PIF1: variants seen among roughly 807,000 people sequenced by gnomAD.
The protein encoded by PIF1 is PIF1 5'-to-3' DNA helicase, also known as ATP-dependent DNA helicase PIF1.
A neutral mutation model predicts 62.3 loss-of-function variants in PIF1; 67 were observed. That is an observed-to-expected ratio of 1.08 (90% CI 0.88 to 1.32). The LOEUF (loss-of-function observed/expected upper bound fraction) is 1.32, where lower values mean the gene tolerates loss of function less well. Ranked by LOEUF, PIF1 falls within the 40% of genes most tolerant of loss-of-function variation. The pLI, the probability that PIF1 is intolerant of heterozygous loss-of-function variation, is 0.00. For missense variants in PIF1, 886 were observed against 866.1 expected (o/e 1.02, Z -0.29); for synonymous variants, 364 against 379.5 (o/e 0.96, Z 0.47).
chr15:64,826,689 CACACAT>C (rs1567090387), upstream of PIF1, among the ~76,000 whole-genome samples: 247 of 132,420 alleles, frequency 1.9e-3, 1 homozygote, highest in Non-Finnish European at 3.0e-3. Flanking sequence ...CATATATACA[CACACAT>C]ATATATACAC....
chr15:64,824,366 C>G lies in PIF1; in HGVS notation c.-19-12G>C. The G allele has an allele frequency of 8.1e-7, 1 of 1,241,426 alleles. No homozygotes were observed. The highest frequency in any genetic ancestry group is 1.0e-6 in the Non-Finnish European group (1 of 992,414). The allele number at this position is 1,241,426 out of a possible 1,614,324, so 76.9% of individuals were successfully genotyped here. On this transcript the variant is annotated splice_polypyrimidine_tract_variant and intron_variant, in intron 1 of 12. Transcript: ENST00000559239. ...CCGCCTCTGCTGGTCTGCGAAGACA[C>G]CGGAGCACAGGGGTCATGAGGATTC...
chr15:64,819,259 C>T (rs2084246509), intron 8 of PIF1, 36 bp from the exon 9 acceptor site: 1 of 1,415,172 alleles, frequency 7.1e-7, no homozygotes, highest in Admixed American at 2.0e-5. Context: ...GATCACAAAT[C>T]ACTGACTTGT....
At position 64,824,107 on chromosome 15, in the gene PIF1, A is replaced by G; in HGVS notation, c.229T>C (p.Phe77Leu). 2 of 1,269,214 alleles carry G rather than the reference A, an allele frequency of 1.6e-6. No homozygotes were observed. Among genetic ancestry groups the G allele is most frequent in the Non-Finnish European group, 2.0e-6 (2 of 1,008,900 alleles). The allele number at this position is 1,269,214 out of a possible 1,614,324, so 78.6% of individuals were successfully genotyped here. The change falls in exon 2 of 13, where the codon TTC becomes CTC. Residue 77 changes from phenylalanine (F) to leucine (L), a missense_variant. Transcript: ENST00000559239. ...CGCCCGGCCTCGGCGAAACGCGTGA[A>G]GAGGCGCGCGGCGCGCAGAGGAAAG... is the stretch of plus-strand genomic sequence containing the variant. ...RCFPLRAARL[F>L]TRFAEAGRST...
Position 64,819,852 on chromosome 15 carries a change from AGCTCCTGAAG to A in PIF1, c.1318_1327del (p.Leu440CysfsTer33), listed in dbSNP as rs1387063823. Reference sequence around the variant, plus strand: ...AGCCCAGGCTCCCTGCTCACCTGGCAGCTCCTGAAGCCGCCTCTCGTTGGTGAGGGCCACA... The same window carrying A: ...AGCCCAGGCTCCCTGCTCACCTGGCACCGCCTCTCGTTGGTGAGGGCCACA... On this transcript the variant is annotated frameshift_variant, in exon 8 of 13. Transcript: ENST00000559239. LOFTEE classifies it high-confidence loss of function. 1.9e-6 allele frequency: 3 copies of A among 1,613,010 alleles called. No homozygotes were observed. Among genetic ancestry groups the A allele is most frequent in the Non-Finnish European group, 2.5e-6 (3 of 1,180,022 alleles).
intron 1 of PIF1, 98 bp from the exon 2 acceptor site, chr15:64,824,452 C>T: frequency 2.5e-6 from 2 of 801,736 alleles, no homozygotes; most frequent in Non-Finnish European, 3.4e-6. Context: ...TGACAGGGAG[C>T]AGGGTCAAGG....
At chr15:64,822,940 C>T (rs2084311619) in intron 2 of PIF1, among the ~76,000 whole-genome samples, 1 of 152,112 alleles carries the variant, frequency 6.6e-6, no homozygotes, top group Admixed American at 6.6e-5. Flanking sequence ...CTTCCTATCA[C>T]AAACCTGTTT....
In PIF1 at chr15:64,821,531, C is replaced by T; in HGVS notation, c.818-11G>A. 6.4e-7 allele frequency: 1 copy of T among 1,567,698 alleles called. No individual in the cohort carries two copies. Among genetic ancestry groups the T allele is most frequent in the Non-Finnish European group, 8.7e-7 (1 of 1,155,052 alleles). ...GGCCTGAGCCGATGCCTGTGAGTGA[C>T]ACTATTCAGCCTGGGCTAATACCCA... On this transcript the variant is annotated splice_polypyrimidine_tract_variant and intron_variant, in intron 4 of 12. Transcript: ENST00000559239.
rs745897224 is a variant in PIF1 at position 64,822,535 on chromosome 15, C to A, written c.634G>T (p.Ala212Ser). Residue 212 changes from alanine (A) to serine (S), a missense_variant, in exon 3 of 13, where the codon GCT becomes TCT. Physicochemically the swap from Ala to Ser is moderately conservative, Grantham distance 99. Coordinates refer to ENST00000559239, the MANE Select transcript of PIF1 (RefSeq NM_001286496.2). The stretch of plus-strand genomic sequence containing the variant: ...TTCAGGACGGCCCTCAGCACAGCAG[C>A]CTGTTCCTCAGAAAGCTGTGGCTTG... ...STKPQLSEEQ[A>S]AVLRAVLKGQ... is the part of the protein sequence containing the mutation. The A allele has an allele frequency of 9.9e-6, 16 of 1,614,026 alleles. No homozygotes were observed. In the South Asian group the frequency reaches 1.5e-4, roughly 16 times the overall value.
chr15:64,818,189 C>T (rs1270845829), intron 10 of PIF1, 68 bp downstream of exon 10: 2 of 1,610,356 alleles, frequency 1.2e-6, no homozygotes, highest in Non-Finnish European at 1.7e-6. Flanking sequence ...TCTTTTTCTC[C>T]CCCCACCATT....
At chr15:64,822,453 C>T (rs921945209) in intron 3 of PIF1, 25 bp downstream of exon 3, 4 of 1,614,074 alleles carry the variant, frequency 2.5e-6, no homozygotes, top group Admixed American at 3.3e-5. Flanking sequence ...CCACTGTCCC[C>T]CTACCTCCTC....
chr15:64,816,624 G>A lies in PIF1; in HGVS notation c.1816C>T (p.Arg606Cys), dbSNP rs193030177. The change falls in exon 12 of 13, where the codon CGT (arginine) becomes TGT (cysteine). Residue 606 changes from arginine to cysteine, a missense_variant. Arg to Cys is a radical substitution (Grantham distance 180). Coordinates refer to ENST00000559239, the MANE Select transcript of PIF1 (RefSeq NM_001286496.2). ...AGGGTGGCATAGAAGTGCAGCACACGGGGGTCACAGCGAACCGCCATGGGG... is the reference window on the plus strand; with the variant it reads ...AGGGTGGCATAGAAGTGCAGCACACAGGGGTCACAGCGAACCGCCATGGGG... The part of the protein sequence containing the change: ...FDPMAVRCDP[R>C]VLHFYATLRR... The A allele has an allele frequency of 4.5e-5, 73 of 1,614,032 alleles. No homozygotes were observed. Among genetic ancestry groups the A allele is most frequent in the South Asian group, 3.3e-5 (3 of 91,076 alleles).
chr15:64,815,731 T>C lies in PIF1; in HGVS notation c.*567A>G, dbSNP rs2084169645. The C allele has an allele frequency of 1.5e-5, 23 of 1,550,508 alleles. No individual in the cohort carries two copies. The highest frequency in any genetic ancestry group is 2.0e-5 in the Non-Finnish European group (23 of 1,147,020). On this transcript the variant is annotated 3_prime_UTR_variant, in exon 13 of 13. Coordinates refer to ENST00000559239, the MANE Select transcript of PIF1 (RefSeq NM_001286496.2). ...ACTATTTATCCCCTGAAAAAGCAGC[T>C]TAAAATATGGGTGCACATTTTGCAG...
At chr15:64,820,850 C>G in intron 7 of PIF1, 132 bp downstream of exon 7, 1 of 764,238 alleles carries the variant, frequency 1.3e-6, no homozygotes, top group South Asian at 1.7e-5. Context: ...GCCCAAGGCT[C>G]CTCTTCCTGC....
In PIF1 at chr15:64,822,378, T is replaced by C; in HGVS notation, c.705A>G (p.Ser235=). 1 of 1,614,134 alleles carries C rather than the reference T, an allele frequency of 6.2e-7. No individual in the cohort carries two copies. Among genetic ancestry groups the C allele is most frequent in the Non-Finnish European group, 8.5e-7 (1 of 1,180,000 alleles). The change falls in exon 4 of 13, where the codon TCA becomes TCG. Residue 235 remains serine (S), a synonymous_variant. Coordinates refer to ENST00000559239, the MANE Select transcript of PIF1 (RefSeq NM_001286496.2). ...FFTGSAGTGK[S]YLLKRILGSL... The stretch of plus-strand genomic sequence containing the variant: ...AGCCCAGGATTCGCTTTAGCAGATA[T>C]GACTTCCCTGTTCCTGGACAGGGGC...
rs754271420 is a variant in PIF1 at position 64,821,035 on chromosome 15, C to T, written c.1140G>A (p.Trp380Ter). 1.2e-6 allele frequency: 2 copies of T among 1,614,210 alleles called. No individual in the cohort carries two copies. The highest frequency in any genetic ancestry group is 2.2e-5 in the East Asian group (1 of 44,882). The change falls in exon 7 of 13, where the codon TGG becomes TGA. Residue 380 changes from tryptophan to a stop codon, truncating the protein, a stop_gained. Coordinates refer to ENST00000559239, the MANE Select transcript of PIF1 (RefSeq NM_001286496.2). LOFTEE classifies it high-confidence loss of function. ...VPVTLELTKVWRQADQTFISL... is the reference protein window; with the variant it reads ...VPVTLELTKV ...AGATGAAGGTCTGGTCTGCCTGCCT[C>T]CACACCTTGGTCAGCTCCAGGGTCA...
chr15:64,824,002 G>T lies in PIF1; in HGVS notation c.334C>A (p.Arg112Ser), dbSNP rs187718134. Residue 112 changes from arginine (R) to serine (S), a missense_variant, in exon 2 of 13, where the codon CGC becomes AGC. Physicochemically the swap from Arg to Ser is moderately radical, Grantham distance 110. Transcript: ENST00000559239. ...AATGTGCGCAGGAAGCGGCGCAGGC[G>T]GTCTGGGGGGCAGTCCGAGAGCAGC... Reference protein sequence around the residue: ...QLLLSDCPPDRLRRFLRTLRL... With the variant: ...QLLLSDCPPDSLRRFLRTLRL... The T allele has an allele frequency of 1.3e-4, 170 of 1,296,442 alleles. No individual in the cohort carries two copies. The African/African-American group carries it at 2.5e-3, about 19-fold the overall frequency. 80.3% of individuals were successfully genotyped at this position (1,296,442 alleles called of 1,614,324 possible).
At position 64,816,256 on chromosome 15, in the gene PIF1, G is replaced by A. The variant is rs1459119792; in HGVS notation, c.*42C>T. The A allele has an allele frequency of 6.2e-7, 1 of 1,612,540 alleles. No homozygotes were observed. Among genetic ancestry groups the A allele is most frequent in the Non-Finnish European group, 8.5e-7 (1 of 1,179,762 alleles). On this transcript the variant is annotated 3_prime_UTR_variant, in exon 13 of 13. Transcript: ENST00000559239. ...GGCCACTAGGGAGCAGGAGGACGGG[G>A]AGGCCACAGGCCACCCTTTGTCTTC... is the stretch of plus-strand genomic sequence containing the variant.
At chr15:64,826,911 G>C (rs1223675275), upstream of PIF1, among the ~76,000 whole-genome samples, 1 of 151,492 alleles carries the variant, frequency 6.6e-6, no homozygotes, top group Non-Finnish European at 1.5e-5. Context: ...AAAAAGCAAG[G>C]CTTCCAGAGA....
At chr15:64,820,046 T>C in intron 7 of PIF1, 60 bp from the exon 8 acceptor site, 1 of 1,571,886 alleles carries the variant, frequency 6.4e-7, no homozygotes, top group Non-Finnish European at 8.6e-7. Flanking sequence ...GTGGGGAACA[T>C]GGGCAGGATG....
Sources: gnomAD v4.1 joint callset for allele counts (sites outside exome capture counted in the v4.1 genomes callset) on GRCh38, gnomAD v4.1.1 for gene constraint, MANE v1.5 for transcripts, NCBI Gene and HGNC (gene_info 2026-07-23, HGNC 2026-07-21) for gene names.